The following CNTNAP5 variants were observed in gnomAD, a reference collection of about 807,000 sequenced individuals.
CNTNAP5 encodes contactin associated protein family member 5.
A neutral mutation model predicts 150.2 loss-of-function variants in CNTNAP5; 72 were observed. That is an observed-to-expected ratio of 0.48 (90% CI 0.40 to 0.58). CNTNAP5 has a LOEUF of 0.58. Ranked by LOEUF, CNTNAP5 falls within the 20% of genes least tolerant of loss-of-function variation. CNTNAP5 has a pLI of 0.00. For missense variants in CNTNAP5, 1,636 were observed against 1,626.2 expected (o/e 1.01, Z -0.10); for synonymous variants, 672 against 619.8 (o/e 1.08, Z -1.25).
At chr2:124,072,718 C>T (rs550635051) in intron 1 of CNTNAP5, among the ~76,000 whole-genome samples, 11 of 151,528 alleles carry the variant, frequency 7.3e-5, no homozygotes, top group Non-Finnish European at 1.3e-4. Context: ...AAAGAGGACA[C>T]CAAAAAGTGG....
intron 10 of CNTNAP5, among the ~76,000 whole-genome samples, chr2:124,559,994 T>C (rs1368777285): frequency 2.0e-5 from 3 of 152,186 alleles, no homozygotes; most frequent in African/African-American, 7.2e-5. Context: ...GAATGCATCA[T>C]TGGCTTTTCT....
intron 3 of CNTNAP5, among the ~76,000 whole-genome samples, chr2:124,253,505 C>T (rs1209684553): frequency 6.6e-6 from 1 of 152,144 alleles, no homozygotes; most frequent in African/African-American, 2.4e-5. Context: ...AGCTGCCTTA[C>T]TTTAAAAAGC....
intron 1 of CNTNAP5, among the ~76,000 whole-genome samples, chr2:124,054,887 G>A (rs1413387795): frequency 6.6e-6 from 1 of 152,166 alleles, no homozygotes; most frequent in African/African-American, 2.4e-5. Context: ...AGGGCAAAAA[G>A]AGAAGCTCTC....
At chr2:124,860,800 G>C (rs1389613864) in intron 19 of CNTNAP5, among the ~76,000 whole-genome samples, 1 of 151,998 alleles carries the variant, frequency 6.6e-6, no homozygotes, top group Non-Finnish European at 1.5e-5. Context: ...GCCAGGGAGG[G>C]CTTCTTATGA....
At chr2:124,332,343 G>A (rs959626182) in intron 3 of CNTNAP5, among the ~76,000 whole-genome samples, 3 of 150,712 alleles carry the variant, frequency 2.0e-5, no homozygotes, top group Admixed American at 6.6e-5. Context: ...ATTAATTTTA[G>A]TAATTTTAAT....
chr2:124,763,887 C>A (rs182106940), intron 15 of CNTNAP5, 88 bp downstream of exon 15: 12 of 1,591,180 alleles, frequency 7.5e-6, no homozygotes, highest in Non-Finnish European at 1.0e-5. Flanking sequence ...CTGCAGTGTG[C>A]CCTAGTCTTG....
intron 1 of CNTNAP5, among the ~76,000 whole-genome samples, chr2:124,202,250 C>G (rs1685744208): frequency 6.6e-6 from 1 of 152,006 alleles, no homozygotes; most frequent in Admixed American, 6.6e-5. Flanking sequence ...CTCCCAATTT[C>G]CTATTCTCAA....
At chr2:124,779,518 T>G (rs1681403268) in intron 17 of CNTNAP5, among the ~76,000 whole-genome samples, 1 of 152,194 alleles carries the variant, frequency 6.6e-6, no homozygotes, top group South Asian at 2.1e-4. Flanking sequence ...CATGTGTGCA[T>G]GCTCACACAC....
chr2:124,254,746 T>C (rs545316934), intron 3 of CNTNAP5, among the ~76,000 whole-genome samples: 3 of 152,310 alleles, frequency 2.0e-5, no homozygotes, highest in Non-Finnish European at 2.9e-5. Flanking sequence ...GAACCATTTG[T>C]CAACATCTCT....
chr2:124,130,197 C>G (rs1399555749), intron 1 of CNTNAP5, among the ~76,000 whole-genome samples: 1 of 152,020 alleles, frequency 6.6e-6, no homozygotes, highest in Non-Finnish European at 1.5e-5. Flanking sequence ...CTCTTAAGTT[C>G]CAAGAAATTA....
intron 3 of CNTNAP5, among the ~76,000 whole-genome samples, chr2:124,412,341 G>A (rs1322520280): frequency 2.0e-5 from 3 of 147,768 alleles, no homozygotes; most frequent in Non-Finnish European, 4.6e-5. Context: ...TCCCCATAAA[G>A]CTACCTATGA....
intron 12 of CNTNAP5, among the ~76,000 whole-genome samples, chr2:124,624,472 C>A (rs1677678856): frequency 6.6e-6 from 1 of 152,138 alleles, no homozygotes; most frequent in African/African-American, 2.4e-5. Flanking sequence ...TTAATTCTCT[C>A]ATTTATTTAC....
At chr2:124,750,841 G>A (rs961128796) in intron 14 of CNTNAP5, among the ~76,000 whole-genome samples, 1 of 151,764 alleles carries the variant, frequency 6.6e-6, no homozygotes, top group African/African-American at 2.4e-5. Context: ...AAAATTAGCT[G>A]GGCATGGTGG....
intron 14 of CNTNAP5, among the ~76,000 whole-genome samples, chr2:124,753,658 C>T: frequency 6.6e-6 from 1 of 152,110 alleles, no homozygotes; most frequent in East Asian, 1.9e-4. Flanking sequence ...TCTTAATTTG[C>T]CAAGCTTGAA....
intron 6 of CNTNAP5, among the ~76,000 whole-genome samples, chr2:124,447,428 G>T (rs1446425331): frequency 1.3e-5 from 2 of 152,132 alleles, no homozygotes; most frequent in African/African-American, 2.4e-5. Context: ...TGTAGAAGAG[G>T]TACAGTGAAA....
intron 13 of CNTNAP5, among the ~76,000 whole-genome samples, chr2:124,687,416 G>A (rs1679214552): frequency 6.6e-6 from 1 of 151,972 alleles, no homozygotes; most frequent in Non-Finnish European, 1.5e-5. Context: ...CATTAGATAT[G>A]TTTAACATTC....
intron 13 of CNTNAP5, among the ~76,000 whole-genome samples, chr2:124,657,134 C>T (rs1256741601): frequency 6.6e-6 from 1 of 152,144 alleles, no homozygotes; most frequent in Non-Finnish European, 1.5e-5. Flanking sequence ...CATAGTGTGG[C>T]CATTCAAAGA....
intron 13 of CNTNAP5, among the ~76,000 whole-genome samples, chr2:124,685,710 G>T (rs560040201): frequency 6.6e-6 from 1 of 151,632 alleles, no homozygotes; most frequent in South Asian, 2.1e-4. Flanking sequence ...TGCCTCTAAA[G>T]AGTCTGTAGA....
At chr2:124,638,911 C>T (rs1165795168) in intron 12 of CNTNAP5, among the ~76,000 whole-genome samples, 2 of 152,090 alleles carry the variant, frequency 1.3e-5, no homozygotes, top group Non-Finnish European at 2.9e-5. Flanking sequence ...ATGCTTTATT[C>T]GATCAGACAC....
Sources: allele counts gnomAD v4.1 joint callset (sites outside exome capture counted in the v4.1 genomes callset), GRCh38; gene constraint gnomAD v4.1.1; transcripts MANE v1.5; gene names NCBI Gene and HGNC (gene_info 2026-07-23, HGNC 2026-07-21).